Variants in KAT2B observed in about 807,000 individuals in gnomAD.
KAT2B encodes lysine acetyltransferase 2B.
KAT2B carries 36 observed loss-of-function variants against 105.9 expected under a neutral mutation model. The observed-to-expected ratio is 0.34, with a 90% CI of 0.26 to 0.45. KAT2B has a LOEUF of 0.45. Ranked by LOEUF, KAT2B falls within the 20% of genes least tolerant of loss-of-function variation. The probability of loss-of-function intolerance (pLI) is 1.00; values close to 1 mark genes in which losing one functional copy is unlikely to be tolerated. For missense variants in KAT2B, 820 were observed against 1,021.6 expected (o/e 0.80, Z 2.69); for synonymous variants, 397 against 377.9 (o/e 1.05, Z -0.59).
At chr3:20,111,113 T>C (rs529217188) in intron 5 of KAT2B, among the ~76,000 whole-genome samples, 2 of 152,332 alleles carry the variant, frequency 1.3e-5, no homozygotes, top group African/African-American at 4.8e-5. Context: ...CTTCCTCAGC[T>C]TCTCCTTTAA....
chr3:20,097,765 A>T (rs1255352957), intron 3 of KAT2B, among the ~76,000 whole-genome samples: 1 of 152,034 alleles, frequency 6.6e-6, no homozygotes, highest in Non-Finnish European at 1.5e-5. Context: ...TTGAACTCCT[A>T]GCCTCAAGTG....
intron 13 of KAT2B, among the ~76,000 whole-genome samples, chr3:20,142,280 G>C (rs1489808832): frequency 6.6e-6 from 1 of 152,130 alleles, no homozygotes; most frequent in African/African-American, 2.4e-5. Flanking sequence ...TCTGCCTCCA[G>C]CCTTCCCTCA....
At chr3:20,120,112 A>AC (rs1482300972) in intron 8 of KAT2B, among the ~76,000 whole-genome samples, 2 of 152,188 alleles carry the variant, frequency 1.3e-5, no homozygotes, top group African/African-American at 4.8e-5. Flanking sequence ...CTATTGGGCT[A>AC]CCCGGAACAT....
At chr3:20,112,738 T>A (rs920452481) in intron 6 of KAT2B, among the ~76,000 whole-genome samples, 1 of 152,194 alleles carries the variant, frequency 6.6e-6, no homozygotes, top group East Asian at 1.9e-4. Flanking sequence ...AGAATAGAAT[T>A]TGAGAGGAAA....
At chr3:20,135,437 A>G (rs912030704) in intron 11 of KAT2B, among the ~76,000 whole-genome samples, 5 of 152,066 alleles carry the variant, frequency 3.3e-5, no homozygotes, top group Non-Finnish European at 5.9e-5. Flanking sequence ...GGCAGATCAC[A>G]AGGTCAGGAG....
At chr3:20,046,960 A>G (rs890471549) in intron 1 of KAT2B, among the ~76,000 whole-genome samples, 5 of 152,158 alleles carry the variant, frequency 3.3e-5, no homozygotes, top group African/African-American at 1.2e-4. Flanking sequence ...ACTCCCCCCA[A>G]CGAATGATTA....
chr3:20,090,298 C>T (rs1472108996), intron 2 of KAT2B, among the ~76,000 whole-genome samples: 1 of 152,196 alleles, frequency 6.6e-6, no homozygotes, highest in South Asian at 2.1e-4. Context: ...GAAAAGCTTT[C>T]AGCTTCTCAC....
intron 3 of KAT2B, among the ~76,000 whole-genome samples, chr3:20,098,475 G>C (rs4858763): frequency 0.11 from 16,773 of 152,196 alleles, 1,173 homozygotes; most frequent in Admixed American, 0.16. Context: ...GAAGAACCAT[G>C]AAGATTGTCT....
intron 12 of KAT2B, 83 bp downstream of exon 12, chr3:20,137,135 C>A (rs1450422637): frequency 2.8e-6 from 2 of 720,290 alleles, no homozygotes; most frequent in Admixed American, 2.2e-5. Flanking sequence ...ATAAGTTTCT[C>A]CCCCAGTGTT....
chr3:20,070,282 C>T (rs1330649047), intron 1 of KAT2B, among the ~76,000 whole-genome samples: 2 of 151,092 alleles, frequency 1.3e-5, no homozygotes, highest in East Asian at 2.0e-4. Context: ...CCTTGCCAAT[C>T]GTTTATTCTC....
chr3:20,093,525 T>C (rs935674450), intron 2 of KAT2B, among the ~76,000 whole-genome samples: 3 of 152,142 alleles, frequency 2.0e-5, no homozygotes, highest in Non-Finnish European at 4.4e-5. Context: ...AGGTGGATAT[T>C]AGCAGCATCC....
At position 20,152,690 on chromosome 3, in the gene KAT2B, G is replaced by A; in HGVS notation, c.*165G>A. Reference sequence around the variant, plus strand: ...AACCTCCTTTTAGCTTTTCAGATATGTATTTAAATTGAAGTCATAGGACAT... The same window carrying A: ...AACCTCCTTTTAGCTTTTCAGATATATATTTAAATTGAAGTCATAGGACAT... On this transcript the variant is annotated 3_prime_UTR_variant, in exon 18 of 18. Transcript: ENST00000263754. The A allele has an allele frequency of 2.0e-6, 1 of 508,982 alleles. No homozygotes were observed. Among genetic ancestry groups the A allele is most frequent in the African/African-American group, 1.9e-5 (1 of 52,766 alleles). 31.5% of individuals were successfully genotyped at this position (508,982 alleles called of 1,614,324 possible). A position where few individuals can be genotyped will look rare whatever the true frequency, so the allele number is the denominator to read the frequency against.
At chr3:20,063,416 C>T (rs1038428137) in intron 1 of KAT2B, among the ~76,000 whole-genome samples, 1 of 148,224 alleles carries the variant, frequency 6.7e-6, no homozygotes, top group Non-Finnish European at 1.5e-5. Context: ...TCTGTATTTT[C>T]TTTTAAGAGA....
chr3:20,081,735 G>A (rs1698522361), intron 2 of KAT2B, among the ~76,000 whole-genome samples: 1 of 151,960 alleles, frequency 6.6e-6, no homozygotes. Flanking sequence ...TCAGGTGGAG[G>A]AAAGATTGTA....
At chr3:20,136,285 A>C (rs1320351709) in intron 11 of KAT2B, among the ~76,000 whole-genome samples, 1 of 152,224 alleles carries the variant, frequency 6.6e-6, no homozygotes, top group Non-Finnish European at 1.5e-5. Context: ...AAAAAACTTG[A>C]TATTATAAAA....
intron 10 of KAT2B, among the ~76,000 whole-genome samples, chr3:20,126,758 G>A (rs922839675): frequency 4.1e-5 from 6 of 146,260 alleles, no homozygotes; most frequent in Admixed American, 7.0e-5. Flanking sequence ...GGAGGCGGAG[G>A]TTGTGGTGAG....
chr3:20,129,668 A>T (rs1034980331), intron 11 of KAT2B, among the ~76,000 whole-genome samples: 2 of 152,090 alleles, frequency 1.3e-5, no homozygotes, highest in Admixed American at 1.3e-4. Flanking sequence ...GAGCAACCAC[A>T]CCCAGCCTTA....
At chr3:20,094,262 A>C (rs370194153) in intron 2 of KAT2B, among the ~76,000 whole-genome samples, 3 of 152,276 alleles carry the variant, frequency 2.0e-5, no homozygotes, top group African/African-American at 7.2e-5. Flanking sequence ...CAGGAGAGAG[A>C]GAGCGAGCGA....
At position 20,099,962 on chromosome 3, in the gene KAT2B, G is replaced by T; in HGVS notation, c.669+8G>T. ...AAACCTAGCATTGAACAGGTAAAAAGATTTTAAAAGCCCTCTTTTTATTGG... is the reference window on the plus strand; with the variant it reads ...AAACCTAGCATTGAACAGGTAAAAATATTTTAAAAGCCCTCTTTTTATTGG... On this transcript the variant is annotated splice_region_variant and intron_variant, in intron 4 of 17. Coordinates refer to ENST00000263754, the MANE Select transcript of KAT2B (RefSeq NM_003884.5). The T allele has an allele frequency of 2.8e-6, 4 of 1,450,322 alleles. No homozygotes were observed. Among genetic ancestry groups the T allele is most frequent in the Non-Finnish European group, 3.9e-6 (4 of 1,035,276 alleles). The allele number at this position is 1,450,322 out of a possible 1,614,324, so 89.8% of individuals were successfully genotyped here.
Sources: allele counts gnomAD v4.1 joint callset (sites outside exome capture counted in the v4.1 genomes callset), GRCh38; gene constraint gnomAD v4.1.1; transcripts MANE v1.5; gene names NCBI Gene and HGNC (gene_info 2026-07-23, HGNC 2026-07-21).